The following NPAS3 variants were observed in gnomAD, a reference collection of about 807,000 sequenced individuals.
NPAS3 encodes the protein neuronal PAS domain protein 3.
In NPAS3, 14 loss-of-function variants were observed where a neutral mutation model predicts 73.1. That is an observed-to-expected ratio of 0.19 (90% CI 0.13 to 0.30). The LOEUF (loss-of-function observed/expected upper bound fraction) is 0.30, where lower values mean the gene tolerates loss of function less well. Ranked by LOEUF, NPAS3 falls within the 10% of genes least tolerant of loss-of-function variation. NPAS3 has a pLI of 1.00. For synonymous variants in NPAS3, 620 were observed against 541.5 expected (o/e 1.14, Z -2.01); for missense variants, 1,096 against 1,250.0 (o/e 0.88, Z 1.86).
intron 2 of NPAS3, among the ~76,000 whole-genome samples, chr14:33,201,300 G>GTGTGTGTGTGTGTGTGTGT (rs2046604823): frequency 6.6e-6 from 1 of 150,922 alleles, no homozygotes; most frequent in Non-Finnish European, 1.5e-5. Flanking sequence ...CCCTAACAAT[G>GTGTGTGTGTGTGTGTGTGT]GTGTGTGTGT....
At chr14:33,423,746 G>T (rs2048446504) in intron 4 of NPAS3, among the ~76,000 whole-genome samples, 1 of 151,916 alleles carries the variant, frequency 6.6e-6, no homozygotes, top group Non-Finnish European at 1.5e-5. Flanking sequence ...ATAACTGTAG[G>T]TGTTGTAAGT....
At chr14:33,161,979 G>A (rs982307147) in intron 2 of NPAS3, among the ~76,000 whole-genome samples, 1 of 152,188 alleles carries the variant, frequency 6.6e-6, no homozygotes, top group Non-Finnish European at 1.5e-5. Context: ...TATCAGAGGA[G>A]CCCTGAATAG....
In NPAS3 at chr14:33,734,144, G is replaced by A. The variant is rs79328200; in HGVS notation, c.734-1070G>A. 2.4e-3 allele frequency among the ~76,000 whole-genome samples: 361 copies of A among 152,072 alleles called. 2 individuals carry two copies. Among genetic ancestry groups the A allele is most frequent in the East Asian group, 0.014 (71 of 5,180 alleles). On this transcript the variant is annotated intron_variant, in intron 6 of 11. Transcript: ENST00000356141. ...CACATATTTCTTTGCCCTTACTCCA[G>A]AGAAAATTAGCGTTAGCATACGACT...
At chr14:33,646,480 T>C (rs116791671) in intron 5 of NPAS3, among the ~76,000 whole-genome samples, 2,774 of 152,294 alleles carry the variant, frequency 0.018, 88 homozygotes, top group African/African-American at 0.064. Context: ...AATGTAGTCA[T>C]AGTTCTGCCT....
chr14:33,752,036 A>G (rs1462826001), intron 7 of NPAS3, among the ~76,000 whole-genome samples: 1 of 152,204 alleles, frequency 6.6e-6, no homozygotes, highest in Non-Finnish European at 1.5e-5. Context: ...TTCTCCCCAA[A>G]AAATAAACCT....
At chr14:33,204,408 T>G (rs1483126006) in intron 2 of NPAS3, among the ~76,000 whole-genome samples, 1 of 152,126 alleles carries the variant, frequency 6.6e-6, no homozygotes, top group Non-Finnish European at 1.5e-5. Context: ...ATTACAGTAG[T>G]TAGGTCTGTG....
At chr14:33,398,347 A>T (rs1015228392) in intron 4 of NPAS3, among the ~76,000 whole-genome samples, 6 of 151,972 alleles carry the variant, frequency 3.9e-5, no homozygotes, top group Non-Finnish European at 7.4e-5. Context: ...TGTGAAGTAA[A>T]TGAATTTTGA....
intron 6 of NPAS3, chr14:33,680,909 C>T (rs936685299): frequency 6.3e-6 from 3 of 476,270 alleles, no homozygotes; most frequent in Admixed American, 3.8e-5. Context: ...TGTTTTGTGG[C>T]ATTAGGATCA....
At chr14:32,942,724 C>T (rs1341865065) in intron 1 of NPAS3, among the ~76,000 whole-genome samples, 1 of 152,120 alleles carries the variant, frequency 6.6e-6, no homozygotes, top group Non-Finnish European at 1.5e-5. Flanking sequence ...GTATTTCTAT[C>T]TACAGTATAA....
chr14:33,266,023 A>T (rs1317488152), intron 3 of NPAS3, among the ~76,000 whole-genome samples: 13 of 151,656 alleles, frequency 8.6e-5, no homozygotes, highest in Non-Finnish European at 8.8e-5. Context: ...ATAAATACAT[A>T]TACACACACA....
At chr14:33,272,129 C>A (rs2140016643) in intron 3 of NPAS3, among the ~76,000 whole-genome samples, 1 of 152,304 alleles carries the variant, frequency 6.6e-6, no homozygotes, top group Middle Eastern at 3.4e-3. Context: ...TGCCAGAAAT[C>A]ATGTTTCTCA....
At chr14:32,937,959 A>T (rs1326950598), upstream of NPAS3, among the ~76,000 whole-genome samples, 1 of 152,168 alleles carries the variant, frequency 6.6e-6, no homozygotes, top group Non-Finnish European at 1.5e-5. Flanking sequence ...CTGAGTAGCC[A>T]GCCTTTCTCT....
chr14:33,733,194 C>A (rs2061441287), intron 6 of NPAS3, among the ~76,000 whole-genome samples: 1 of 151,890 alleles, frequency 6.6e-6, no homozygotes, highest in South Asian at 2.1e-4. Flanking sequence ...CTCTGAGGAC[C>A]AGTGCCAATA....
chr14:33,447,602 T>G (rs1051978316), intron 4 of NPAS3, among the ~76,000 whole-genome samples: 2 of 152,062 alleles, frequency 1.3e-5, no homozygotes, highest in African/African-American at 4.8e-5. Context: ...GGCCTAAAAC[T>G]AAGGTAGCAG....
chr14:33,783,403 A>G (rs753673479), intron 9 of NPAS3, among the ~76,000 whole-genome samples: 18 of 152,176 alleles, frequency 1.2e-4, no homozygotes, highest in Admixed American at 3.3e-4. Flanking sequence ...CCCTTCTGCC[A>G]TATGAATATG....
intron 4 of NPAS3, among the ~76,000 whole-genome samples, chr14:33,461,169 T>C (rs1647513030): frequency 6.6e-6 from 1 of 152,366 alleles, no homozygotes; most frequent in African/African-American, 2.4e-5. Flanking sequence ...TTTTGTTTAA[T>C]AGTAGAATCA....
intron 1 of NPAS3, among the ~76,000 whole-genome samples, chr14:33,044,730 T>C (rs2040448970): frequency 6.6e-6 from 1 of 151,656 alleles, no homozygotes; most frequent in Non-Finnish European, 1.5e-5. Context: ...GTGATCGAGA[T>C]GAGAACAGTG....
intron 10 of NPAS3, among the ~76,000 whole-genome samples, chr14:33,796,669 C>T (rs1018258414): frequency 2.0e-5 from 3 of 152,176 alleles, no homozygotes; most frequent in Non-Finnish European, 4.4e-5. Context: ...CATCAGGTGG[C>T]CTTGGAGTGG....
chr14:33,472,307 A>C (rs1247532446), intron 4 of NPAS3, among the ~76,000 whole-genome samples: 1 of 152,158 alleles, frequency 6.6e-6, no homozygotes, highest in Non-Finnish European at 1.5e-5. Flanking sequence ...TTGGAGAGGT[A>C]AGAGGGTTTT....
Sources: gnomAD v4.1 joint callset for allele counts (sites outside exome capture counted in the v4.1 genomes callset) on GRCh38, gnomAD v4.1.1 for gene constraint, MANE v1.5 for transcripts, NCBI Gene and HGNC (gene_info 2026-07-23, HGNC 2026-07-21) for gene names.